Variants in CSNK1G1 observed in about 807,000 individuals in gnomAD.
The protein encoded by CSNK1G1 is casein kinase 1 gamma 1.
CSNK1G1 carries 22 observed loss-of-function variants against 59.6 expected under a neutral mutation model. The observed-to-expected ratio is 0.37, with a 90% CI of 0.26 to 0.53. The LOEUF (loss-of-function observed/expected upper bound fraction) is 0.53. Ranked by LOEUF, CSNK1G1 falls within the 20% of genes least tolerant of loss-of-function variation. The pLI is 0.89. For synonymous variants in CSNK1G1, 179 were observed against 177.1 expected, an observed-to-expected ratio of 1.01 and a Z score of -0.08; for missense variants, 384 against 519.5, an observed-to-expected ratio of 0.74 and a Z score of 2.54.
chr15:64,212,741 C>A (rs1223575258), intron 6 of CSNK1G1, among the ~76,000 whole-genome samples: 1 of 151,768 alleles, frequency 6.6e-6, no homozygotes, highest in African/African-American at 2.4e-5. Context: ...CACGGTGGCT[C>A]ACACCTGTAA....
intron 2 of CSNK1G1, among the ~76,000 whole-genome samples, chr15:64,261,358 T>C (rs1428272334): frequency 1.3e-5 from 2 of 152,100 alleles, no homozygotes; most frequent in East Asian, 3.9e-4. Context: ...CCCAGCACTT[T>C]GGGAGGCTGA....
intron 1 of CSNK1G1, among the ~76,000 whole-genome samples, chr15:64,351,958 C>T (rs944285066): frequency 6.6e-6 from 1 of 152,028 alleles, no homozygotes; most frequent in African/African-American, 2.4e-5. Context: ...GAGAGCTTTA[C>T]CAAAGCATAT....
In CSNK1G1 at chr15:64,287,375, T is replaced by A. The variant is rs565214447; in HGVS notation, c.181+12944A>T. ...TGGGAAGCCTGGGACCATTCTTGTCTCATTCTAAACTTACAGTCATCTTTT... is the reference window on the plus strand; with the variant it reads ...TGGGAAGCCTGGGACCATTCTTGTCACATTCTAAACTTACAGTCATCTTTT... On this transcript the variant is annotated intron_variant, in intron 2 of 11. Coordinates refer to ENST00000303052, the MANE Select transcript of CSNK1G1 (RefSeq NM_022048.5). Among the ~76,000 whole-genome samples the A allele has an allele frequency of 2.0e-5, 3 of 152,320 alleles. No individual in the cohort carries two copies. The East Asian group carries it at 5.8e-4, about 29-fold the overall frequency.
intron 1 of CSNK1G1, among the ~76,000 whole-genome samples, chr15:64,350,569 T>A (rs1347947501): frequency 6.6e-6 from 1 of 152,200 alleles, no homozygotes; most frequent in Non-Finnish European, 1.5e-5. Flanking sequence ...ACCATTCATA[T>A]AGTTTGAAAT....
intron 1 of CSNK1G1, among the ~76,000 whole-genome samples, chr15:64,326,882 G>C (rs1210700917): frequency 6.6e-6 from 1 of 151,114 alleles, no homozygotes; most frequent in Non-Finnish European, 1.5e-5. Flanking sequence ...GGGTCAGGGA[G>C]TTCCCTTTCC....
chr15:64,172,828 C>T (rs1418510255), intron 11 of CSNK1G1, among the ~76,000 whole-genome samples: 1 of 152,170 alleles, frequency 6.6e-6, no homozygotes, highest in Non-Finnish European at 1.5e-5. Context: ...TGGGGACTAG[C>T]CACAGTTCTG....
rs1398252923 is a variant in CSNK1G1, at chr15:64,166,957, G to A, written c.*4974C>T. The A allele has an allele frequency of 6.6e-6, 1 of 152,220 alleles. No homozygotes were observed. The highest frequency in any genetic ancestry group is 1.5e-5 in the Non-Finnish European group (1 of 68,024). 9.4% of individuals were successfully genotyped at this position (152,220 alleles called of 1,614,324 possible). A position where few individuals can be genotyped will look rare whatever the true frequency, so the allele number is the denominator to read the frequency against. ...AACGGAGGTTTCTTTGTAACATCAG[G>A]TTTGGTAATCAAACTAGAAATACAA... On this transcript the variant is annotated 3_prime_UTR_variant, in exon 12 of 12. Coordinates refer to ENST00000303052, the MANE Select transcript of CSNK1G1 (RefSeq NM_022048.5). This position sits in a 1 kb window ranked among gnomAD's most constrained non-coding sequence, Gnocchi z 4.5.
Position 64,225,095 on chromosome 15 carries a change from A to C in CSNK1G1, c.293-8382T>G, listed in dbSNP as rs529478823. Among the ~76,000 whole-genome samples the C allele has an allele frequency of 3.8e-3, 529 of 140,932 alleles. 4 individuals are homozygous for C. The highest frequency in any genetic ancestry group is 6.4e-3 in the Non-Finnish European group (427 of 66,634). The allele number at this position is 140,932 out of a possible 152,430, so 92.5% of individuals were successfully genotyped here. A position where few individuals can be genotyped will look rare whatever the true frequency, so the allele number is the denominator to read the frequency against. ...GCAATTTTGGGTCACTGCAACCTCT[A>C]CCTCCTGGGTTCAAGCGATTATCTT... On this transcript the variant is annotated intron_variant, in intron 4 of 11. Transcript: ENST00000303052.
chr15:64,180,391 G>C lies in CSNK1G1; in HGVS notation c.1171C>G (p.Pro391Ala). Residue 391 changes from proline (P) to alanine (A), a missense_variant, in exon 11 of 12, where the codon CCA becomes GCA. Coordinates refer to ENST00000303052, the MANE Select transcript of CSNK1G1 (RefSeq NM_022048.5). ...TCCACCTCGGCATGAGCTGTGATTG[G>C]TGCATTGGAGTGGGCTCCCGTGGGA... The part of the protein sequence containing the change: ...DDPTGAHSNA[P>A]ITAHAEVEVV... The C allele has an allele frequency of 6.2e-7, 1 of 1,614,132 alleles. No homozygotes were observed. Among genetic ancestry groups the C allele is most frequent in the Non-Finnish European group, 8.5e-7 (1 of 1,179,994 alleles).
chr15:64,282,049 G>A (rs1596214735), intron 2 of CSNK1G1, among the ~76,000 whole-genome samples: 2 of 151,388 alleles, frequency 1.3e-5, no homozygotes, highest in Non-Finnish European at 2.9e-5. Context: ...AGCCTCCCAA[G>A]TAACTGGGAT....
intron 4 of CSNK1G1, among the ~76,000 whole-genome samples, chr15:64,238,303 A>T (rs1312510821): frequency 6.6e-6 from 1 of 151,570 alleles, no homozygotes; most frequent in Non-Finnish European, 1.5e-5. Flanking sequence ...AGCCTGGGCA[A>T]CAAAGCAAGA....
At chr15:64,184,667 A>G (rs1216897583) in intron 10 of CSNK1G1, among the ~76,000 whole-genome samples, 2 of 145,390 alleles carry the variant, frequency 1.4e-5, no homozygotes, top group Non-Finnish European at 3.0e-5. Flanking sequence ...ACAATGCGAA[A>G]CTCTGTCTCA....
rs755539403 is a variant in CSNK1G1 at position 64,167,919 on chromosome 15, T to C, written c.*4012A>G. The stretch of plus-strand genomic sequence containing the variant: ...ATAAAAAAGTTAAGGCTATAATCTT[T>C]AGTAACCACTTTGACGTTACATTAT... On this transcript the variant is annotated 3_prime_UTR_variant, in exon 12 of 12. Transcript: ENST00000303052. 3 of 152,388 alleles carry C rather than the reference T, an allele frequency of 2.0e-5. No individual in the cohort carries two copies. The highest frequency in any genetic ancestry group is 3.9e-4 in the East Asian group (2 of 5,190). The allele number at this position is 152,388 out of a possible 1,614,324, so 9.4% of individuals were successfully genotyped here.
Position 64,188,289 on chromosome 15 carries a change from TA to T in CSNK1G1, c.1108-7836del. The stretch of plus-strand genomic sequence containing the variant: ...TAGCCCTTCCTGTAAGCTTCCTTTC[TA>T]AGGCTGCCGAAGGTTCAGAAGCAAG... On this transcript the variant is annotated intron_variant, in intron 10 of 11. Transcript: ENST00000303052. The surrounding 1 kb of genome is among the most constrained non-coding windows in gnomAD (Gnocchi z 4.2). 1 of 949,898 alleles carries T rather than the reference TA, an allele frequency of 1.1e-6. No homozygotes were observed. Among genetic ancestry groups the T allele is most frequent in the African/African-American group, 1.6e-5 (1 of 60,906 alleles). 58.8% of individuals were successfully genotyped at this position (949,898 alleles called of 1,614,324 possible).
chr15:64,302,212 G>A (rs911233841), intron 1 of CSNK1G1, among the ~76,000 whole-genome samples: 8 of 152,060 alleles, frequency 5.3e-5, no homozygotes, highest in African/African-American at 2.4e-5. Context: ...CGATTCTCCT[G>A]CCTCAGCCTC....
intron 1 of CSNK1G1, among the ~76,000 whole-genome samples, chr15:64,347,916 G>A (rs918884873): frequency 1.4e-4 from 22 of 151,838 alleles, no homozygotes; most frequent in East Asian, 1.2e-3. Flanking sequence ...TGAGGCAGGG[G>A]AATCGCTTGA....
Position 64,257,704 on chromosome 15 carries a change from T to C in CSNK1G1, c.222+1497A>G, listed in dbSNP as rs537257371. ...TACCTGACTAATTTTTTGTATTTTT[T>C]GTAGAGACAGGGTTTTGCCTTGTTG... On this transcript the variant is annotated intron_variant, in intron 3 of 11. Coordinates refer to ENST00000303052, the MANE Select transcript of CSNK1G1 (RefSeq NM_022048.5). Among the ~76,000 whole-genome samples, 5 of 152,202 alleles carry C rather than the reference T, an allele frequency of 3.3e-5. No individual in the cohort carries two copies. In the East Asian group the frequency reaches 9.7e-4, roughly 29 times the overall value.
intron 2 of CSNK1G1, among the ~76,000 whole-genome samples, chr15:64,282,207 G>T (rs1894180302): frequency 6.6e-6 from 1 of 152,066 alleles, no homozygotes; most frequent in Non-Finnish European, 1.5e-5. Flanking sequence ...GGGATTACCG[G>T]CATGAACCAT....
chr15:64,276,801 G>A (rs1159572915), intron 2 of CSNK1G1, among the ~76,000 whole-genome samples: 1 of 151,978 alleles, frequency 6.6e-6, no homozygotes, highest in East Asian at 1.9e-4. Context: ...AAAAAAATTA[G>A]CTGGTGGTAG....
Sources: gnomAD v4.1 joint callset for allele counts (sites outside exome capture counted in the v4.1 genomes callset) on GRCh38, gnomAD v4.1.1 for gene constraint, Gnocchi (gnomAD v3.1) non-coding constraint, MANE v1.5 for transcripts, NCBI Gene and HGNC (gene_info 2026-07-23, HGNC 2026-07-21) for gene names.